The following CNTN1 variants were observed in gnomAD, a reference collection of about 807,000 sequenced individuals.
CNTN1 encodes the protein contactin-1.
In CNTN1, 38 loss-of-function variants were observed where a neutral mutation model predicts 126.4. The observed-to-expected ratio is 0.30, with a 90% CI of 0.23 to 0.39. The LOEUF (loss-of-function observed/expected upper bound fraction) is 0.39. CNTN1 is among the 10% of genes least tolerant of loss of function. CNTN1 has a pLI of 1.00. For synonymous variants in CNTN1, 413 were observed against 422.6 expected, an observed-to-expected ratio of 0.98 and a Z score of 0.28; for missense variants, 1,009 against 1,248.4, an observed-to-expected ratio of 0.81 and a Z score of 2.89.
intron 1 of CNTN1, among the ~76,000 whole-genome samples, chr12:40,895,754 GAT>G (rs1491287276): frequency 7.2e-4 from 95 of 132,652 alleles, no homozygotes; most frequent in Non-Finnish European, 9.0e-4. Context: ...TGTGCTTCAA[GAT>G]TTTTTTTTTT....
chr12:40,930,134 TTGAAGGGG>T, intron 7 of CNTN1, 132 bp downstream of exon 7: 1 of 782,666 alleles, frequency 1.3e-6, no homozygotes, highest in East Asian at 2.5e-5. Context: ...GGGATGCATG[TTGAAGGGG>T]CCAAAGGCTT....
In CNTN1 at chr12:40,937,536, C is replaced by A. The variant is rs141121023; in HGVS notation, c.1111-34C>A. 5.1e-4 allele frequency: 681 copies of A among 1,326,634 alleles called. 2 individuals are homozygous for A. In the African/African-American group the frequency reaches 8.3e-3, roughly 16 times the overall value. The allele number at this position is 1,326,634 out of a possible 1,614,324, so 82.2% of individuals were successfully genotyped here. Reference sequence around the variant, plus strand: ...AAGTGAAAGTATTTCTATTAAAGTTCATTGAGAATATGTTTCAATTTTATT... The same window carrying A: ...AAGTGAAAGTATTTCTATTAAAGTTAATTGAGAATATGTTTCAATTTTATT... On this transcript the variant is annotated intron_variant, in intron 10 of 23. Transcript: ENST00000551295.
At chr12:40,951,714 TTAAAAAAAA>T (rs1333932375) in intron 14 of CNTN1, among the ~76,000 whole-genome samples, 9 of 79,626 alleles carry the variant, frequency 1.1e-4, no homozygotes, top group African/African-American at 4.7e-4. Context: ...GTCTCAAAAT[TTAAAAAAAA>T]AAAAAAAAAA....
chr12:40,998,413 A>G (rs762579401), intron 17 of CNTN1, among the ~76,000 whole-genome samples: 32 of 152,056 alleles, frequency 2.1e-4, no homozygotes, highest in Non-Finnish European at 4.1e-4. Context: ...CACCTATTTA[A>G]ATTTCTTGTT....
chr12:40,698,162 T>C (rs1481424367), intron 1 of CNTN1, among the ~76,000 whole-genome samples: 1 of 151,810 alleles, frequency 6.6e-6, no homozygotes, highest in Non-Finnish European at 1.5e-5. Flanking sequence ...TTAAGAGTTA[T>C]GCAGAGCTTT....
At chr12:40,787,749 A>G (rs904219719) in intron 1 of CNTN1, among the ~76,000 whole-genome samples, 2 of 152,176 alleles carry the variant, frequency 1.3e-5, no homozygotes, top group African/African-American at 2.4e-5. Flanking sequence ...GAATTACACA[A>G]TGACATTCAC....
chr12:40,779,723 T>G (rs1342493984), intron 1 of CNTN1, among the ~76,000 whole-genome samples: 5 of 151,842 alleles, frequency 3.3e-5, no homozygotes, highest in Non-Finnish European at 7.4e-5. Flanking sequence ...CAAAGTTAAA[T>G]GAAAATAAGA....
intron 23 of CNTN1, among the ~76,000 whole-genome samples, chr12:41,064,984 C>T (rs1289874115): frequency 6.6e-6 from 1 of 152,190 alleles, no homozygotes; most frequent in Non-Finnish European, 1.5e-5. Flanking sequence ...TCTGACTCAG[C>T]TGCCATGTGA....
At chr12:40,783,277 C>G (rs1352616719) in intron 1 of CNTN1, among the ~76,000 whole-genome samples, 1 of 151,850 alleles carries the variant, frequency 6.6e-6, no homozygotes, top group African/African-American at 2.4e-5. Flanking sequence ...ATAAAGCTGG[C>G]ATTTTAAACA....
intron 1 of CNTN1, among the ~76,000 whole-genome samples, chr12:40,707,227 CTTTTTTTTTTTTTTTTTTTTTTTTT>C (rs370984371): frequency 9.2e-6 from 1 of 109,166 alleles, no homozygotes; most frequent in African/African-American, 3.8e-5. Flanking sequence ...TTTTCTTTTT[CTTTTTTTTTTTTTTTTTTTTTTTTT>C]TTTTTTTTTT....
chr12:41,017,766 T>C (rs1948813655), intron 19 of CNTN1, among the ~76,000 whole-genome samples: 1 of 152,140 alleles, frequency 6.6e-6, no homozygotes, highest in African/African-American at 2.4e-5. Flanking sequence ...TTTAAGCTGC[T>C]ATACTTTTGT....
intron 2 of CNTN1, among the ~76,000 whole-genome samples, chr12:40,909,391 A>G (rs1191356546): frequency 2.0e-5 from 3 of 151,918 alleles, no homozygotes; most frequent in Non-Finnish European, 2.9e-5. Flanking sequence ...TGAAAGTATT[A>G]GAAAAATTGA....
At chr12:40,797,969 A>G (rs899570307) in intron 1 of CNTN1, among the ~76,000 whole-genome samples, 4 of 152,040 alleles carry the variant, frequency 2.6e-5, no homozygotes, top group Non-Finnish European at 5.9e-5. Context: ...AGATGCCTGT[A>G]TATATACCCG....
chr12:40,966,891 A>G (rs531255819), intron 15 of CNTN1, among the ~76,000 whole-genome samples: 2 of 152,262 alleles, frequency 1.3e-5, no homozygotes, highest in Non-Finnish European at 2.9e-5. Context: ...CTTTCCCTCC[A>G]CACTAGAGTA....
intron 1 of CNTN1, among the ~76,000 whole-genome samples, chr12:40,809,943 T>G (rs967508273): frequency 6.6e-6 from 1 of 152,136 alleles, no homozygotes; most frequent in African/African-American, 2.4e-5. Context: ...GACACTAATC[T>G]CTATTGTTAG....
chr12:40,971,893 T>C (rs1165496341), intron 15 of CNTN1: 1 of 1,055,132 alleles, frequency 9.5e-7, no homozygotes, highest in Non-Finnish European at 1.1e-6. Flanking sequence ...AATGTACTGT[T>C]TGATTTATTC....
intron 1 of CNTN1, among the ~76,000 whole-genome samples, chr12:40,724,731 C>T (rs11178070): frequency 0.2 from 30,725 of 151,958 alleles, 3,219 homozygotes; most frequent in Middle Eastern, 0.28. Context: ...CTACAACACA[C>T]GATAAAGGAT....
intron 14 of CNTN1, among the ~76,000 whole-genome samples, chr12:40,955,582 A>G (rs376545966): frequency 6.6e-6 from 1 of 152,128 alleles, no homozygotes; most frequent in Non-Finnish European, 1.5e-5. Context: ...AAGAATGTCT[A>G]TTTAATAAAA....
intron 19 of CNTN1, among the ~76,000 whole-genome samples, chr12:41,020,030 TTGA>T (rs1948872899): frequency 6.6e-6 from 1 of 152,002 alleles, no homozygotes; most frequent in African/African-American, 2.4e-5. Context: ...GTAATAGAAA[TTGA>T]TGAAGCTTTC....
Sources: gnomAD v4.1 joint callset for allele counts (sites outside exome capture counted in the v4.1 genomes callset) on GRCh38, gnomAD v4.1.1 for gene constraint, MANE v1.5 for transcripts, NCBI Gene and HGNC (gene_info 2026-07-23, HGNC 2026-07-21) for gene names.